The following NXPH1 variants were observed in gnomAD, a reference collection of about 807,000 sequenced individuals.
The protein encoded by NXPH1 is neurexophilin-1.
NXPH1 carries 5 observed loss-of-function variants against 23.7 expected under a neutral mutation model. That is an observed-to-expected ratio of 0.21 (90% confidence interval 0.11 to 0.44). The LOEUF is 0.44. Ranked by LOEUF, NXPH1 falls within the 20% of genes least tolerant of loss-of-function variation. NXPH1 has a pLI of 0.99. For missense variants in NXPH1, 324 were observed against 321.6 expected (o/e 1.01, Z -0.06); for synonymous variants, 144 against 122.2 (o/e 1.18, Z -1.18).
chr7:8,679,989 C>T (rs1314612717), intron 2 of NXPH1, among the ~76,000 whole-genome samples: 2 of 152,216 alleles, frequency 1.3e-5, no homozygotes, highest in Non-Finnish European at 2.9e-5. Flanking sequence ...CCATTGCACT[C>T]CAGACTGGGC....
At chr7:8,626,365 C>T (rs1819988759) in intron 2 of NXPH1, among the ~76,000 whole-genome samples, 1 of 151,474 alleles carries the variant, frequency 6.6e-6, no homozygotes, top group South Asian at 2.1e-4. Context: ...GTGGGATATA[C>T]TCATTGTCAT....
intron 2 of NXPH1, among the ~76,000 whole-genome samples, chr7:8,525,514 G>A (rs1352414324): frequency 6.6e-6 from 1 of 152,134 alleles, no homozygotes; most frequent in East Asian, 1.9e-4. Flanking sequence ...TGGGGAAAAT[G>A]TCTCCAGGCC....
intron 2 of NXPH1, among the ~76,000 whole-genome samples, chr7:8,719,638 C>A (rs918771463): frequency 9.9e-5 from 15 of 152,102 alleles, no homozygotes; most frequent in Non-Finnish European, 1.9e-4. Context: ...ACCATTTAGG[C>A]AGTTCCCATA....
intron 2 of NXPH1, among the ~76,000 whole-genome samples, chr7:8,482,824 C>G (rs1817097130): frequency 6.6e-6 from 1 of 152,166 alleles, no homozygotes; most frequent in Non-Finnish European, 1.5e-5. Flanking sequence ...CTTATCCCAG[C>G]ATTGTGATGG....
At chr7:8,561,695 A>T (rs1390659483) in intron 2 of NXPH1, among the ~76,000 whole-genome samples, 1 of 151,632 alleles carries the variant, frequency 6.6e-6, no homozygotes, top group Non-Finnish European at 1.5e-5. Flanking sequence ...TTAGATGATT[A>T]GAGGGCATAA....
At chr7:8,568,592 A>C (rs1818588810) in intron 2 of NXPH1, among the ~76,000 whole-genome samples, 1 of 151,530 alleles carries the variant, frequency 6.6e-6, no homozygotes, top group Non-Finnish European at 1.5e-5. Context: ...TTGATCAAGC[A>C]ATATGTCATC....
In NXPH1 at chr7:8,727,987, ATTTG is replaced by A. The variant is rs1219264698; in HGVS notation, c.55-23015_55-23012del. On this transcript the variant is annotated intron_variant, in intron 2 of 2. Coordinates refer to ENST00000405863, the MANE Select transcript of NXPH1 (RefSeq NM_152745.3). ...ACCCATGAGCATGGAATGTTCTTCC[ATTTG>A]TTTGTATCCTCTTTTATTTCCTTGA... Among the ~76,000 whole-genome samples the A allele has an allele frequency of 4.6e-5, 7 of 151,388 alleles. No homozygotes were observed. In the East Asian group the frequency reaches 1.4e-3, roughly 29 times the overall value.
intron 2 of NXPH1, among the ~76,000 whole-genome samples, chr7:8,529,409 G>T (rs1190908085): frequency 6.6e-6 from 1 of 152,124 alleles, no homozygotes; most frequent in Non-Finnish European, 1.5e-5. Context: ...CACATGGGAA[G>T]GTAAAAGGAC....
intron 2 of NXPH1, among the ~76,000 whole-genome samples, chr7:8,583,688 G>T (rs1475849167): frequency 6.6e-6 from 1 of 152,142 alleles, no homozygotes; most frequent in Non-Finnish European, 1.5e-5. Context: ...TTGAACAGGG[G>T]CCGAGAGCAA....
chr7:8,628,111 A>G (rs1314463245), intron 2 of NXPH1, among the ~76,000 whole-genome samples: 6 of 152,130 alleles, frequency 3.9e-5, no homozygotes, highest in South Asian at 4.1e-4. Context: ...AACATAACAG[A>G]TATATATTTT....
chr7:8,733,002 T>A (rs993245931), intron 2 of NXPH1, among the ~76,000 whole-genome samples: 1 of 152,172 alleles, frequency 6.6e-6, no homozygotes, highest in Non-Finnish European at 1.5e-5. Flanking sequence ...ACATTAAGTA[T>A]TTCTCCTAAT....
intron 2 of NXPH1, among the ~76,000 whole-genome samples, chr7:8,535,457 A>G (rs1818012990): frequency 1.3e-5 from 2 of 152,030 alleles, no homozygotes; most frequent in African/African-American, 4.8e-5. Context: ...CTGGATTCCT[A>G]TCACGTGAGA....
chr7:8,543,857 T>G (rs971049777), intron 2 of NXPH1, among the ~76,000 whole-genome samples: 18 of 151,694 alleles, frequency 1.2e-4, no homozygotes, highest in Non-Finnish European at 7.4e-5. Flanking sequence ...ATTTTTAATT[T>G]TTTTTCTAAG....
chr7:8,500,852 A>G (rs1234503729), intron 2 of NXPH1, among the ~76,000 whole-genome samples: 1 of 152,018 alleles, frequency 6.6e-6, no homozygotes, highest in Non-Finnish European at 1.5e-5. Context: ...CATTTTTCAG[A>G]CATGTGATCA....
At chr7:8,470,499 G>A (rs1024084047) in intron 2 of NXPH1, among the ~76,000 whole-genome samples, 3 of 152,126 alleles carry the variant, frequency 2.0e-5, no homozygotes, top group African/African-American at 7.2e-5. Flanking sequence ...AATCACTTCT[G>A]AATATTAGAC....
chr7:8,562,842 T>C (rs924514417), intron 2 of NXPH1, among the ~76,000 whole-genome samples: 3 of 151,708 alleles, frequency 2.0e-5, no homozygotes, highest in African/African-American at 7.2e-5. Context: ...ATATCTCTAG[T>C]TATCTCTGAG....
At chr7:8,658,154 C>T (rs554892064) in intron 2 of NXPH1, among the ~76,000 whole-genome samples, 140 of 152,236 alleles carry the variant, frequency 9.2e-4, no homozygotes, top group Middle Eastern at 3.4e-3. Context: ...TTAGTGACTT[C>T]GAAAATACAG....
intron 2 of NXPH1, among the ~76,000 whole-genome samples, chr7:8,553,071 A>G (rs997926746): frequency 6.6e-6 from 1 of 151,550 alleles, no homozygotes; most frequent in African/African-American, 2.4e-5. Flanking sequence ...CTTTTATAAA[A>G]CTTGACTAGA....
At chr7:8,472,432 G>C (rs1816885186) in intron 2 of NXPH1, among the ~76,000 whole-genome samples, 1 of 152,162 alleles carries the variant, frequency 6.6e-6, no homozygotes, top group Admixed American at 6.5e-5. Context: ...TTACAAATGA[G>C]AGACTGAGCC....
Sources: allele counts gnomAD v4.1 joint callset (sites outside exome capture counted in the v4.1 genomes callset), GRCh38; gene constraint gnomAD v4.1.1; transcripts MANE v1.5; gene names NCBI Gene and HGNC (gene_info 2026-07-23, HGNC 2026-07-21).